NRG3: variants seen among roughly 807,000 people sequenced by gnomAD.
NRG3 encodes neuregulin 3.
NRG3 carries 31 observed loss-of-function variants against 66.9 expected under a neutral mutation model. That is an observed-to-expected ratio of 0.46 (90% CI 0.35 to 0.63). The LOEUF is 0.63. Ranked by LOEUF, NRG3 falls within the 20% of genes least tolerant of loss-of-function variation. NRG3 has a pLI of 0.00. For synonymous variants in NRG3, 393 were observed against 359.4 expected, an observed-to-expected ratio of 1.09 and a Z score of -1.06; for missense variants, 910 against 878.9, an observed-to-expected ratio of 1.04 and a Z score of -0.45.
chr10:82,334,759 T>C (rs2082304864), intron 1 of NRG3, among the ~76,000 whole-genome samples: 1 of 152,152 alleles, frequency 6.6e-6, no homozygotes, highest in Admixed American at 6.6e-5. Flanking sequence ...AATTATCAAA[T>C]CTCATTGGAA....
chr10:82,423,681 C>A (rs1293754644), intron 2 of NRG3, among the ~76,000 whole-genome samples: 1 of 151,896 alleles, frequency 6.6e-6, no homozygotes, highest in Non-Finnish European at 1.5e-5. Context: ...ACTATGTAAT[C>A]CCCCTTTTAA....
intron 1 of NRG3, among the ~76,000 whole-genome samples, chr10:82,157,043 G>A (rs2071246653): frequency 6.6e-6 from 1 of 151,666 alleles, no homozygotes; most frequent in Non-Finnish European, 1.5e-5. Context: ...TGGTCATTAT[G>A]AAGTTGTTCA....
At chr10:82,213,353 G>A (rs2075498574) in intron 1 of NRG3, among the ~76,000 whole-genome samples, 1 of 152,094 alleles carries the variant, frequency 6.6e-6, no homozygotes, top group Non-Finnish European at 1.5e-5. Flanking sequence ...TCCCACATCT[G>A]ACCTCATAGT....
intron 1 of NRG3, among the ~76,000 whole-genome samples, chr10:82,015,539 C>T (rs2061750840): frequency 6.6e-6 from 1 of 151,928 alleles, no homozygotes; most frequent in Non-Finnish European, 1.5e-5. Flanking sequence ...GTGGTTTCCC[C>T]CATGCTGTTC....
intron 2 of NRG3, among the ~76,000 whole-genome samples, chr10:82,640,942 T>C (rs1590981409): frequency 6.6e-6 from 1 of 152,168 alleles, no homozygotes; most frequent in South Asian, 2.1e-4. Flanking sequence ...ATTGTTGCAG[T>C]AATTTTGTTT....
chr10:82,241,815 C>G (rs941791552), intron 1 of NRG3, among the ~76,000 whole-genome samples: 1 of 152,134 alleles, frequency 6.6e-6, no homozygotes, highest in Non-Finnish European at 1.5e-5. Context: ...ATCGCGAAGT[C>G]TTTGCAATAT....
intron 2 of NRG3, among the ~76,000 whole-genome samples, chr10:82,637,277 TATA>T (rs1256446588): frequency 6.6e-6 from 1 of 152,166 alleles, no homozygotes; most frequent in African/African-American, 2.4e-5. Context: ...AATTGAGAAT[TATA>T]ATAAATAATG....
chr10:82,897,993 C>T (rs750994172), intron 4 of NRG3, among the ~76,000 whole-genome samples: 7 of 152,314 alleles, frequency 4.6e-5, no homozygotes, highest in South Asian at 2.1e-4. Context: ...TGTAGCCTTA[C>T]AGCCCAGCAA....
intron 1 of NRG3, among the ~76,000 whole-genome samples, chr10:82,208,865 T>C (rs2075261156): frequency 6.6e-6 from 1 of 152,160 alleles, no homozygotes; most frequent in African/African-American, 2.4e-5. Context: ...TTTTGGGTAG[T>C]TGGTTTGTCA....
intron 1 of NRG3, among the ~76,000 whole-genome samples, chr10:82,281,822 G>C (rs561543508): frequency 6.6e-6 from 1 of 151,772 alleles, no homozygotes; most frequent in Non-Finnish European, 1.5e-5. Flanking sequence ...GTCAGGTTTT[G>C]TTTGTTTGTT....
At chr10:82,964,033 C>G (rs1414811062) in intron 6 of NRG3, among the ~76,000 whole-genome samples, 2 of 152,084 alleles carry the variant, frequency 1.3e-5, no homozygotes, top group Non-Finnish European at 2.9e-5. Context: ...ATAGTTCTAG[C>G]CTAAACGCTG....
chr10:82,625,656 A>G (rs964601578), intron 2 of NRG3, among the ~76,000 whole-genome samples: 2 of 152,152 alleles, frequency 1.3e-5, no homozygotes, highest in African/African-American at 4.8e-5. Flanking sequence ...GTTCTGAGCC[A>G]TTCAATTAGA....
intron 3 of NRG3, among the ~76,000 whole-genome samples, chr10:82,754,687 T>A (rs545825277): frequency 6.6e-6 from 1 of 152,254 alleles, no homozygotes; most frequent in African/African-American, 2.4e-5. Flanking sequence ...TACCTTGAGA[T>A]CCAGAGACCA....
At chr10:82,486,393 G>T (rs1161061844) in intron 2 of NRG3, among the ~76,000 whole-genome samples, 1 of 152,032 alleles carries the variant, frequency 6.6e-6, no homozygotes, top group African/African-American at 2.4e-5. Context: ...AATGGACAAA[G>T]AAATTGTTGC....
chr10:82,428,753 A>G (rs1440124317), intron 2 of NRG3, among the ~76,000 whole-genome samples: 2 of 151,878 alleles, frequency 1.3e-5, no homozygotes, highest in Non-Finnish European at 2.9e-5. Context: ...CAAGTCCTCT[A>G]TTTCTGTATT....
At chr10:82,712,075 A>G (rs138976878) in intron 2 of NRG3, among the ~76,000 whole-genome samples, 1,643 of 152,306 alleles carry the variant, frequency 0.011, 29 homozygotes, top group African/African-American at 0.038. Context: ...TCTCCAAAAG[A>G]ATCCTTTGCA....
intron 1 of NRG3, among the ~76,000 whole-genome samples, chr10:82,212,107 A>G (rs1465341810): frequency 6.6e-6 from 1 of 152,102 alleles, no homozygotes; most frequent in Non-Finnish European, 1.5e-5. Context: ...TCTTTTCCTC[A>G]TATGTAAAAT....
In NRG3 at chr10:82,981,274, G is replaced by A. The variant is rs566805302; in HGVS notation, c.1583+2154G>A. Among the ~76,000 whole-genome samples the A allele has an allele frequency of 2.6e-5, 4 of 152,294 alleles. No homozygotes were observed. In the East Asian group the frequency reaches 7.7e-4, roughly 29 times the overall value. On this transcript the variant is annotated intron_variant, in intron 8 of 8. Transcript: ENST00000372141. ...TTTGTTTTGGTTCAGTCACTGTTGG[G>A]TTGGAATATTCTCTCCAGTTGCCTG...
At chr10:82,697,860 G>A (rs1016069795) in intron 2 of NRG3, among the ~76,000 whole-genome samples, 1 of 152,016 alleles carries the variant, frequency 6.6e-6, no homozygotes, top group South Asian at 2.1e-4. Context: ...TGCGTTTCTG[G>A]GACCCGTCAG....
Sources: allele counts gnomAD v4.1 joint callset (sites outside exome capture counted in the v4.1 genomes callset), GRCh38; gene constraint gnomAD v4.1.1; transcripts MANE v1.5; gene names NCBI Gene and HGNC (gene_info 2026-07-23, HGNC 2026-07-21).